Variants in PGS1 observed in about 807,000 individuals in gnomAD.
The protein encoded by PGS1 is phosphatidylglycerophosphate synthase 1, also known as CDP-diacylglycerol--glycerol-3-phosphate 3-phosphatidyltransferase, mitochondrial.
PGS1 carries 44 observed loss-of-function variants against 58.3 expected under a neutral mutation model. The observed-to-expected ratio is 0.75, with a 90% CI of 0.59 to 0.97. The LOEUF (loss-of-function observed/expected upper bound fraction) is 0.97, where lower values mean the gene tolerates loss of function less well. Among genes scored for constraint, PGS1 ranks in the 50% least tolerant of loss-of-function variants. The pLI, the probability that PGS1 is intolerant of heterozygous loss-of-function variation, is 0.00. For synonymous variants in PGS1, 330 were observed against 311.0 expected (o/e 1.06, Z -0.64); for missense variants, 684 against 731.1 (o/e 0.94, Z 0.74).
In PGS1 at chr17:78,399,476, G is replaced by A. The variant is rs779355657; in HGVS notation, c.640G>A (p.Glu214Lys). The A allele has an allele frequency of 3.1e-6, 5 of 1,614,162 alleles. No homozygotes were observed. In the Admixed American group the frequency reaches 8.3e-5, roughly 27 times the overall value. The change falls in exon 5 of 10, where the codon GAG becomes AAG. Residue 214 changes from glutamate (E) to lysine (K), a missense_variant. Physicochemically the swap from Glu to Lys is moderately conservative, Grantham distance 56 (BLOSUM62 1). Transcript: ENST00000262764. ...LRLLIPERFN[E>K]TIGLQHIKVY... The stretch of plus-strand genomic sequence containing the variant: ...GCTCCTCATCCCTGAGCGCTTCAAC[G>A]AGACCATCGGCCTCCAGCACATTAA...
intron 1 of PGS1, among the ~76,000 whole-genome samples, chr17:78,388,533 A>ACAGGGT (rs1046255859): frequency 1.3e-5 from 2 of 151,204 alleles, no homozygotes; most frequent in African/African-American, 2.4e-5. Flanking sequence ...TTTTGTAGAG[A>ACAGGGT]CAGGGTCTTG....
chr17:78,387,554 C>G (rs2082495448), intron 1 of PGS1, among the ~76,000 whole-genome samples: 1 of 151,102 alleles, frequency 6.6e-6, no homozygotes, highest in Non-Finnish European at 1.5e-5. Context: ...CCGCCTTGGC[C>G]TCCCAAAGTG....
In PGS1 at chr17:78,424,410, T is replaced by G; in HGVS notation, c.*360T>G. 1 of 442,422 alleles carries G rather than the reference T, an allele frequency of 2.3e-6. No homozygotes were observed. The highest frequency in any genetic ancestry group is 3.5e-5 in the East Asian group (1 of 28,238). 27.4% of individuals were successfully genotyped at this position (442,422 alleles called of 1,614,324 possible). A position where few individuals can be genotyped will look rare whatever the true frequency, so the allele number is the denominator to read the frequency against. ...GTTCCATCCGTTTAAATCTGTGGCA[T>G]TTTCAGAGCCTCATCTGTCAGCCTT... On this transcript the variant is annotated 3_prime_UTR_variant, in exon 10 of 10. Transcript: ENST00000262764.
intron 4 of PGS1, among the ~76,000 whole-genome samples, chr17:78,398,724 G>C (rs1005480589): frequency 1.1e-4 from 16 of 152,226 alleles, no homozygotes; most frequent in Non-Finnish European, 2.1e-4. Flanking sequence ...TGACTGATCT[G>C]CTTTGGGTGG....
chr17:78,422,234 C>T (rs558793238), intron 9 of PGS1, among the ~76,000 whole-genome samples: 77 of 152,104 alleles, frequency 5.1e-4, no homozygotes, highest in African/African-American at 1.8e-3. Context: ...AGGTATTGGC[C>T]CAGCCAGGCT....
chr17:78,424,422 C>T lies in PGS1; in HGVS notation c.*372C>T, dbSNP rs945319849. ...TAAATCTGTGGCATTTTCAGAGCCT[C>T]ATCTGTCAGCCTTAATGTCAGTGGC... On this transcript the variant is annotated 3_prime_UTR_variant, in exon 10 of 10. Coordinates refer to ENST00000262764, the MANE Select transcript of PGS1 (RefSeq NM_024419.5). The T allele has an allele frequency of 4.7e-6, 2 of 422,922 alleles. No homozygotes were observed. Among genetic ancestry groups the T allele is most frequent in the African/African-American group, 1.9e-5 (1 of 51,338 alleles). 26.2% of individuals were successfully genotyped at this position (422,922 alleles called of 1,614,324 possible).
intron 7 of PGS1, among the ~76,000 whole-genome samples, chr17:78,409,105 C>T (rs1159290557): frequency 6.6e-6 from 1 of 152,246 alleles, no homozygotes; most frequent in African/African-American, 2.4e-5. Flanking sequence ...TGTCTCTCTT[C>T]ATCTTTCTGC....
rs2081819346 is a variant in PGS1 at position 78,378,828 on chromosome 17, TGA to T, written c.143+24_143+25del. 3 of 1,422,168 alleles carry T rather than the reference TGA, an allele frequency of 2.1e-6. No homozygotes were observed. Among genetic ancestry groups the T allele is most frequent in the Non-Finnish European group, 9.1e-7 (1 of 1,095,910 alleles). The allele number at this position is 1,422,168 out of a possible 1,614,324, so 88.1% of individuals were successfully genotyped here. A position where few individuals can be genotyped will look rare whatever the true frequency, so the allele number is the denominator to read the frequency against. The stretch of plus-strand genomic sequence containing the variant: ...CAGGAGGTGAGAGGGGCGGCCGGGA[TGA>T]GAGTGCAGCCCTCGCGGCTGCAGCC... On this transcript the variant is annotated intron_variant, in intron 1 of 9. Transcript: ENST00000262764.
At chr17:78,407,245 A>C (rs1256841889) in intron 7 of PGS1, among the ~76,000 whole-genome samples, 1 of 152,048 alleles carries the variant, frequency 6.6e-6, no homozygotes, top group Non-Finnish European at 1.5e-5. Context: ...TGCTGAGCAG[A>C]GGGGCTTCAC....
At chr17:78,413,037 C>T in intron 7 of PGS1, among the ~76,000 whole-genome samples, 1 of 152,192 alleles carries the variant, frequency 6.6e-6, no homozygotes, top group Non-Finnish European at 1.5e-5. Flanking sequence ...TGGATCAGAG[C>T]CACCAGGGGA....
intron 5 of PGS1, chr17:78,399,838 ACAGAT>A (rs1407931085): frequency 9.5e-6 from 4 of 419,394 alleles, no homozygotes; most frequent in Non-Finnish European, 1.3e-5. Context: ...ACATGTGGAA[ACAGAT>A]CAGAGAGGAT....
intron 7 of PGS1, among the ~76,000 whole-genome samples, chr17:78,413,456 G>A (rs570429771): frequency 2.0e-5 from 3 of 152,234 alleles, no homozygotes; most frequent in African/African-American, 7.2e-5. Context: ...CCACCTGCTT[G>A]CCCTCACTCA....
At chr17:78,393,304 C>T (rs1050283998) in intron 2 of PGS1, among the ~76,000 whole-genome samples, 1 of 152,212 alleles carries the variant, frequency 6.6e-6, no homozygotes, top group Admixed American at 6.5e-5. Context: ...TCGTGATCCA[C>T]CCGCCTCGGC....
At chr17:78,418,072 G>A (rs2085357825) in intron 8 of PGS1, among the ~76,000 whole-genome samples, 2 of 151,490 alleles carry the variant, frequency 1.3e-5, no homozygotes, top group African/African-American at 4.9e-5. Context: ...TGGGATTATG[G>A]GTGCATGCCA....
Position 78,424,064 on chromosome 17 carries a change from T to C in PGS1, c.*14T>C, listed in dbSNP as rs1443230504. ...TTGGTCTCCATGCGGTCCACAGGAA[T>C]GGCCTTGATGAAGATGACAGGCATG... On this transcript the variant is annotated 3_prime_UTR_variant, in exon 10 of 10. Transcript: ENST00000262764. The C allele has an allele frequency of 4.3e-6, 7 of 1,614,056 alleles. No individual in the cohort carries two copies. Among genetic ancestry groups the C allele is most frequent in the South Asian group, 1.1e-5 (1 of 91,090 alleles).
chr17:78,379,942 C>G (rs2081921352), intron 1 of PGS1, among the ~76,000 whole-genome samples: 1 of 151,592 alleles, frequency 6.6e-6, no homozygotes, highest in African/African-American at 2.4e-5. Flanking sequence ...TCTTGGCTCA[C>G]CTCAATCTCC....
intron 7 of PGS1, among the ~76,000 whole-genome samples, chr17:78,407,804 C>A (rs2084283956): frequency 6.6e-6 from 1 of 152,232 alleles, no homozygotes; most frequent in Non-Finnish European, 1.5e-5. Flanking sequence ...TTGCTGGTGG[C>A]CCCATGAGTG....
At chr17:78,420,381 G>A in intron 9 of PGS1, 1 of 262,994 alleles carries the variant, frequency 3.8e-6, no homozygotes, top group Non-Finnish European at 5.9e-6. Flanking sequence ...TGCCATTAAA[G>A]GTGGGGTCTT....
At position 78,400,888 on chromosome 17, in the gene PGS1, G is replaced by C; in HGVS notation, c.880+33G>C. The C allele has an allele frequency of 6.5e-7, 1 of 1,530,628 alleles. No individual in the cohort carries two copies. The highest frequency in any genetic ancestry group is 8.8e-7 in the Non-Finnish European group (1 of 1,131,042). 94.8% of individuals were successfully genotyped at this position (1,530,628 alleles called of 1,614,324 possible). ...CTGCCGCTGACACCCTTCTATGGCT[G>C]TGGGTGGGGTGGAGTGAGGGCCCGG... On this transcript the variant is annotated intron_variant, in intron 6 of 9. Coordinates refer to ENST00000262764, the MANE Select transcript of PGS1 (RefSeq NM_024419.5). The surrounding 1 kb of genome is among the most constrained non-coding windows in gnomAD (Gnocchi z 4.4).
Sources: allele counts gnomAD v4.1 joint callset (sites outside exome capture counted in the v4.1 genomes callset), GRCh38; gene constraint gnomAD v4.1.1; non-coding constraint Gnocchi (gnomAD v3.1); transcripts MANE v1.5; gene names NCBI Gene and HGNC (gene_info 2026-07-23, HGNC 2026-07-21).